Variants in MAST4 observed in about 807,000 individuals in gnomAD.
MAST4 encodes microtubule associated serine/threonine kinase family member 4.
Under a neutral mutation model 162.7 loss-of-function variants are expected in MAST4, and 89 were observed. That is an observed-to-expected ratio of 0.55 (90% CI 0.46 to 0.65). The LOEUF is 0.65. MAST4 is among the 30% of genes least tolerant of loss of function. MAST4 has a pLI of 0.00. For synonymous variants in MAST4, 1,479 were observed against 1,361.1 expected (o/e 1.09, Z -1.91); for missense variants, 3,153 against 3,374.0 (o/e 0.93, Z 1.62).
chr5:66,947,220 A>G (rs1744137958), intron 4 of MAST4, among the ~76,000 whole-genome samples: 1 of 152,122 alleles, frequency 6.6e-6, no homozygotes, highest in Non-Finnish European at 1.5e-5. Flanking sequence ...AGGACCGTGG[A>G]AAATGAGTAT....
At chr5:66,909,272 T>C (rs79182993) in intron 4 of MAST4, among the ~76,000 whole-genome samples, 4,865 of 152,222 alleles carry the variant, frequency 0.032, 287 homozygotes, top group African/African-American at 0.11. Flanking sequence ...TGGAGACAGA[T>C]GACACATGTG....
Position 66,714,461 on chromosome 5 carries a change from C to G in MAST4, c.364-45248C>G, listed in dbSNP as rs77082653. On this transcript the variant is annotated intron_variant, in intron 1 of 28. Coordinates refer to ENST00000403625, the MANE Select transcript of MAST4 (RefSeq NM_001164664.2). ...TATTTATGAAGATAACATTGAGCAC[C>G]TCTCTCTTGATGTGCCACTGTCTGG... Among the ~76,000 whole-genome samples, 656 of 152,272 alleles carry G rather than the reference C, an allele frequency of 4.3e-3. 1 individual carries two copies. Among genetic ancestry groups the G allele is most frequent in the Non-Finnish European group, 7.5e-3 (510 of 68,014 alleles).
intron 1 of MAST4, among the ~76,000 whole-genome samples, chr5:66,629,252 C>T (rs1056694401): frequency 6.6e-6 from 1 of 152,112 alleles, no homozygotes; most frequent in Non-Finnish European, 1.5e-5. Flanking sequence ...TCTCCTTGCC[C>T]CCAGATTCCT....
chr5:66,699,582 A>G (rs1749631125), intron 1 of MAST4, among the ~76,000 whole-genome samples: 1 of 152,192 alleles, frequency 6.6e-6, no homozygotes, highest in Non-Finnish European at 1.5e-5. Context: ...GTGCAGCCAT[A>G]AAAAGGAATG....
At chr5:67,120,990 T>G in intron 13 of MAST4, 27 bp from the exon 14 acceptor site, 1 of 1,527,018 alleles carries the variant, frequency 6.5e-7, no homozygotes, top group Non-Finnish European at 9.0e-7. Flanking sequence ...CTAAACTACT[T>G]TTTAACTTCC....
intron 10 of MAST4, among the ~76,000 whole-genome samples, chr5:67,106,616 T>C (rs924816410): frequency 6.6e-6 from 1 of 152,162 alleles, no homozygotes; most frequent in African/African-American, 2.4e-5. Context: ...CTCCCTCCAG[T>C]CTTAACTCTT....
chr5:66,678,534 CG>C (rs1377383386), intron 1 of MAST4, among the ~76,000 whole-genome samples: 1 of 150,564 alleles, frequency 6.6e-6, no homozygotes, highest in African/African-American at 2.4e-5. Flanking sequence ...CTTGTTCTGT[CG>C]CCAGGCTGGA....
chr5:67,116,485 C>A (rs1335340044), intron 12 of MAST4, among the ~76,000 whole-genome samples: 1 of 151,600 alleles, frequency 6.6e-6, no homozygotes, highest in African/African-American at 2.4e-5. Flanking sequence ...GGATTACAGG[C>A]GTGAGCCACC....
intron 1 of MAST4, among the ~76,000 whole-genome samples, chr5:66,665,991 G>A (rs1022781306): frequency 2.6e-5 from 4 of 152,082 alleles, no homozygotes; most frequent in African/African-American, 9.7e-5. Context: ...GCCCCGTTGG[G>A]GCTTTTCAAA....
At chr5:66,855,226 G>A (rs1032254646) in intron 3 of MAST4, among the ~76,000 whole-genome samples, 79 of 152,116 alleles carry the variant, frequency 5.2e-4, no homozygotes, top group African/African-American at 1.9e-3. Flanking sequence ...GGGATCTGAT[G>A]GTTAAAAGTG....
intron 5 of MAST4, among the ~76,000 whole-genome samples, chr5:67,075,591 T>G (rs1462675445): frequency 6.6e-6 from 1 of 152,136 alleles, no homozygotes; most frequent in Non-Finnish European, 1.5e-5. Context: ...CATCTTTATC[T>G]TTTAGAAAAA....
intron 4 of MAST4, among the ~76,000 whole-genome samples, chr5:67,038,887 A>G (rs959024246): frequency 1.3e-5 from 2 of 152,212 alleles, no homozygotes; most frequent in Non-Finnish European, 1.5e-5. Context: ...GCCTTTTGTA[A>G]TAAATAGTCA....
chr5:67,133,000 T>G (rs1046631111), intron 16 of MAST4, among the ~76,000 whole-genome samples: 1 of 152,148 alleles, frequency 6.6e-6, no homozygotes, highest in African/African-American at 2.4e-5. Flanking sequence ...TTAAATATAT[T>G]TAATTGCAGA....
chr5:67,109,589 T>C (rs1163291177), intron 10 of MAST4, among the ~76,000 whole-genome samples: 1 of 152,130 alleles, frequency 6.6e-6, no homozygotes, highest in African/African-American at 2.4e-5. Flanking sequence ...AAAAAAGCAT[T>C]GCACACTTCT....
chr5:66,762,504 C>T (rs549468012), intron 2 of MAST4, among the ~76,000 whole-genome samples: 2 of 152,220 alleles, frequency 1.3e-5, no homozygotes, highest in South Asian at 4.2e-4. Context: ...GTACCCTTAT[C>T]GACTGGCTTG....
intron 4 of MAST4, among the ~76,000 whole-genome samples, chr5:67,050,190 G>C (rs1486378710): frequency 6.6e-6 from 1 of 152,190 alleles, no homozygotes; most frequent in Non-Finnish European, 1.5e-5. Context: ...AATGGGAGGT[G>C]CTGTTGGCAG....
At chr5:67,094,632 G>A (rs557389219) in intron 6 of MAST4, among the ~76,000 whole-genome samples, 4 of 152,090 alleles carry the variant, frequency 2.6e-5, no homozygotes, top group Non-Finnish European at 4.4e-5. Flanking sequence ...ACAGTCTTGC[G>A]TTTAAAGTAA....
chr5:67,116,913 G>A (rs1040165882), intron 12 of MAST4, among the ~76,000 whole-genome samples: 12 of 152,166 alleles, frequency 7.9e-5, no homozygotes, highest in African/African-American at 2.7e-4. Context: ...CTTGTCCTTT[G>A]AAGGTTAGGA....
At chr5:67,022,097 T>C (rs533259257) in intron 4 of MAST4, among the ~76,000 whole-genome samples, 22 of 152,334 alleles carry the variant, frequency 1.4e-4, no homozygotes, top group African/African-American at 5.0e-4. Flanking sequence ...ACTGTGAGTG[T>C]CTTGAGACAT....
Sources: gnomAD v4.1 joint callset for allele counts (sites outside exome capture counted in the v4.1 genomes callset) on GRCh38, gnomAD v4.1.1 for gene constraint, MANE v1.5 for transcripts, NCBI Gene and HGNC (gene_info 2026-07-23, HGNC 2026-07-21) for gene names.